Variants in SDHA observed in about 807,000 individuals in gnomAD.
SDHA encodes the protein succinate dehydrogenase [ubiquinone] flavoprotein subunit, mitochondrial.
A neutral mutation model predicts 78.4 loss-of-function variants in SDHA; 48 were observed. That is an observed-to-expected ratio of 0.61 (90% CI 0.49 to 0.78). The LOEUF is 0.78. Among genes scored for constraint, SDHA ranks in the 30% least tolerant of loss-of-function variants. The probability of loss-of-function intolerance (pLI) is 0.00; values close to 1 mark genes in which losing one functional copy is unlikely to be tolerated. For synonymous variants in SDHA, 326 were observed against 353.9 expected (o/e 0.92, Z 0.88); for missense variants, 680 against 892.7 (o/e 0.76, Z 3.04).
intron 11 of SDHA, among the ~76,000 whole-genome samples, chr5:243,649 C>G (rs942414918): frequency 6.6e-6 from 1 of 152,102 alleles, no homozygotes; most frequent in Non-Finnish European, 1.5e-5. Context: ...TTTTATAGCT[C>G]GGTTACAGGA....
intron 13 of SDHA, among the ~76,000 whole-genome samples, chr5:253,756 ACAGT>A (rs991531437): frequency 1.3e-5 from 2 of 152,264 alleles, no homozygotes; most frequent in African/African-American, 2.4e-5. Context: ...TTAGTTGGTC[ACAGT>A]CAGTTTTAAT....
At position 228,177 on chromosome 5, in the gene SDHA, T is replaced by C. The variant is rs370714378; in HGVS notation, c.622-8T>C. On this transcript the variant is annotated splice_region_variant and splice_polypyrimidine_tract_variant and intron_variant, in intron 5 of 14. Coordinates refer to ENST00000264932, the MANE Select transcript of SDHA (RefSeq NM_004168.4). ...CACTTCTTGCCCTTTTTTTTTCCTT[T>C]CTTTTAGTCTCTGCGATATGATACC... The C allele has an allele frequency of 5.8e-5, 93 of 1,613,660 alleles. No individual in the cohort carries two copies. In the African/African-American group the frequency reaches 1.1e-3, roughly 19 times the overall value.
At chr5:268,372 C>T in the SDHA span, among the ~76,000 whole-genome samples, 5 of 152,060 alleles carry the variant, frequency 3.3e-5, no homozygotes, top group Admixed American at 6.5e-5. Flanking sequence ...TTAGTAGAGA[C>T]GAGGTTTCAC....
intron 7 of SDHA, among the ~76,000 whole-genome samples, chr5:231,559 CAAAAA>C (rs56152705): frequency 1.4e-3 from 140 of 99,174 alleles, no homozygotes; most frequent in African/African-American, 3.7e-3. Context: ...GACTCCGTCT[CAAAAA>C]AAAAAAAAAA....
At chr5:266,825 CTG>C in the SDHA span, among the ~76,000 whole-genome samples, 1,989 of 96,726 alleles carry the variant, frequency 0.021, 29 homozygotes, top group African/African-American at 0.049. Context: ...TGGCCGCTGT[CTG>C]TAAGATATTC....
intron 4 of SDHA, 109 bp from the exon 5 acceptor site, chr5:225,774 G>A (rs1734980225): frequency 6.9e-7 from 1 of 1,449,640 alleles, no homozygotes; most frequent in African/African-American, 1.4e-5. Flanking sequence ...CATAAAATAG[G>A]TTACTTTGGG....
At chr5:247,945 AG>A (rs1042275059) in intron 11 of SDHA, among the ~76,000 whole-genome samples, 1 of 152,218 alleles carries the variant, frequency 6.6e-6, no homozygotes, top group African/African-American at 2.4e-5. Flanking sequence ...CAAAAGTAAA[AG>A]GGGGAAAACA....
chr5:262,566 C>T, the SDHA span, among the ~76,000 whole-genome samples: 1 of 152,058 alleles, frequency 6.6e-6, no homozygotes, highest in Non-Finnish European at 1.5e-5. Flanking sequence ...TGAGATGGAA[C>T]CGTTTCATCT....
chr5:236,002 T>C (rs1735751513), intron 9 of SDHA: 1 of 285,390 alleles, frequency 3.5e-6, no homozygotes, highest in Non-Finnish European at 6.9e-6. Context: ...CTTACTTCCC[T>C]CTTAGATACG....
In SDHA at chr5:233,761, C is replaced by T. The variant is rs376992380; in HGVS notation, c.1064+116C>T. ...TGTGCAGGCGCATGTGCACAGCCAC[C>T]TCTCTTAGCTGCTGGCAGGCGTCTG... On this transcript the variant is annotated intron_variant, in intron 8 of 14. Coordinates refer to ENST00000264932, the MANE Select transcript of SDHA (RefSeq NM_004168.4). 14 of 1,013,452 alleles carry T rather than the reference C, an allele frequency of 1.4e-5. 1 individual carries two copies. The South Asian group carries it at 1.5e-4, about 11-fold the overall frequency. The allele number at this position is 1,013,452 out of a possible 1,614,324, so 62.8% of individuals were successfully genotyped here.
At position 230,891 on chromosome 5, in the gene SDHA, C is replaced by G; in HGVS notation, c.786C>G (p.Thr262=). The G allele has an allele frequency of 6.2e-7, 1 of 1,614,042 alleles. No homozygotes were observed. The highest frequency in any genetic ancestry group is 8.5e-7 in the Non-Finnish European group (1 of 1,179,958). The change falls in exon 7 of 15, where the codon ACC becomes ACG. Residue 262 remains threonine, a synonymous_variant. Transcript: ENST00000264932. ...TVVATGGYGR[T]YFSCTSAHTS... ...TTGTTTCCAGAGGCTACGGGCGCAC[C>G]TACTTCAGCTGCACGTCTGCCCACA... is the stretch of plus-strand genomic sequence containing the variant.
rs1553997159 is a variant in SDHA at position 223,472 on chromosome 5, G to C, written c.64-10G>C. ...CTAACCCTCTGGATCTGTGTCTTCTGTGTCTCCAGTGGCCAACAGTGTTGC... is the reference window on the plus strand; with the variant it reads ...CTAACCCTCTGGATCTGTGTCTTCTCTGTCTCCAGTGGCCAACAGTGTTGC... On this transcript the variant is annotated splice_polypyrimidine_tract_variant and intron_variant, in intron 1 of 14. Coordinates refer to ENST00000264932, the MANE Select transcript of SDHA (RefSeq NM_004168.4). 2.5e-6 allele frequency: 4 copies of C among 1,598,652 alleles called. No individual in the cohort carries two copies. Among genetic ancestry groups the C allele is most frequent in the Non-Finnish European group, 3.4e-6 (4 of 1,165,952 alleles).
chr5:228,161 C>T (rs1376832349), intron 5 of SDHA, 24 bp from the exon 6 acceptor site: 5 of 1,597,740 alleles, frequency 3.1e-6, no homozygotes, highest in Non-Finnish European at 3.4e-6. Flanking sequence ...ACACTTCTTG[C>T]CCTTTTTTTT....
Position 223,116 on chromosome 5 carries a change from A to G in SDHA, c.64-366A>G, listed in dbSNP as rs117357936. Among the ~76,000 whole-genome samples the G allele has an allele frequency of 3.5e-4, 54 of 152,324 alleles. 1 individual carries two copies. In the East Asian group the frequency reaches 0.01, roughly 29 times the overall value. On this transcript the variant is annotated intron_variant, in intron 1 of 14. Coordinates refer to ENST00000264932, the MANE Select transcript of SDHA (RefSeq NM_004168.4). Reference sequence around the variant, plus strand: ...CTTCATTACTTGCAAAATACCACATACAGTAATACAATATACACGTCTTTC... The same window carrying G: ...CTTCATTACTTGCAAAATACCACATGCAGTAATACAATATACACGTCTTTC...
chr5:222,039 T>C (rs1560984012), intron 1 of SDHA, among the ~76,000 whole-genome samples: 1 of 149,164 alleles, frequency 6.7e-6, no homozygotes, highest in African/African-American at 2.6e-5. Context: ...TAGGGCACTT[T>C]ACAACATTTT....
intron 11 of SDHA, among the ~76,000 whole-genome samples, chr5:240,932 A>G (rs1736101221): frequency 1.3e-5 from 2 of 151,948 alleles, no homozygotes. Flanking sequence ...GTTGATGGGC[A>G]CTTAGGTTGA....
At chr5:249,213 A>G (rs1382962500) in intron 11 of SDHA, 1 of 342,812 alleles carries the variant, frequency 2.9e-6, no homozygotes, top group East Asian at 9.7e-5. Context: ...TGTGCTTTTA[A>G]TCTGTGTTAT....
the SDHA span, among the ~76,000 whole-genome samples, chr5:266,827 G>GTGCAGTAGACACGGTGGCCGCTGTGTC: frequency 2.2e-5 from 2 of 90,878 alleles, no homozygotes; most frequent in African/African-American, 2.2e-4. Flanking sequence ...GCCGCTGTCT[G>GTGCAGTAGACACGGTGGCCGCTGTGTC]TAAGATATTC....
At chr5:255,706 A>T (rs1330478221) in intron 14 of SDHA, among the ~76,000 whole-genome samples, 1 of 152,192 alleles carries the variant, frequency 6.6e-6, no homozygotes, top group Non-Finnish European at 1.5e-5. Context: ...GCCTCCCAAC[A>T]GGCATGAACC....
Sources: gnomAD v4.1 joint callset for allele counts (sites outside exome capture counted in the v4.1 genomes callset) on GRCh38, gnomAD v4.1.1 for gene constraint, MANE v1.5 for transcripts, NCBI Gene and HGNC (gene_info 2026-07-23, HGNC 2026-07-21) for gene names.